WDPCP: variants seen among roughly 807,000 people sequenced by gnomAD.
WDPCP encodes the protein WD repeat containing planar cell polarity effector, also known as WD repeat-containing and planar cell polarity effector protein fritz homolog.
In WDPCP, 71 loss-of-function variants were observed where a neutral mutation model predicts 93.1. The observed-to-expected ratio is 0.76, with a 90% confidence interval of 0.63 to 0.93. The LOEUF (loss-of-function observed/expected upper bound fraction) is 0.93. WDPCP is among the 40% of genes least tolerant of loss of function. The probability of loss-of-function intolerance (pLI) is 0.00; values close to 1 mark genes in which losing one functional copy is unlikely to be tolerated. For missense variants in WDPCP, 844 were observed against 887.4 expected (o/e 0.95, Z 0.62); for synonymous variants, 315 against 315.0 (o/e 1.00, Z 0.00).
At chr2:63,684,118 T>C (rs759426736) in intron 2 of WDPCP, among the ~76,000 whole-genome samples, 9 of 152,122 alleles carry the variant, frequency 5.9e-5, no homozygotes, top group Non-Finnish European at 1.2e-4. Flanking sequence ...ATAGACCAAA[T>C]AAACCTAGTA....
At chr2:63,715,208 T>C (rs968339685) in intron 2 of WDPCP, among the ~76,000 whole-genome samples, 1 of 152,220 alleles carries the variant, frequency 6.6e-6, no homozygotes, top group African/African-American at 2.4e-5. Context: ...TTGATATAGA[T>C]GGTAGTTGCA....
intron 2 of WDPCP, chr2:63,684,281 G>A (rs1575746939): frequency 1.8e-6 from 1 of 560,426 alleles, no homozygotes; most frequent in South Asian, 1.7e-5. Context: ...CCTTTTTGCT[G>A]TAGGCCCAAG....
chr2:63,259,010 C>T (rs1433936728), intron 14 of WDPCP, among the ~76,000 whole-genome samples: 2 of 152,088 alleles, frequency 1.3e-5, no homozygotes, highest in African/African-American at 4.8e-5. Context: ...ATTTTAGTAA[C>T]AGCACTATGA....
chr2:63,377,990 TTTCTACAGTAA>T (rs1691995856), intron 12 of WDPCP: 1 of 179,260 alleles, frequency 5.6e-6, no homozygotes, highest in African/African-American at 2.4e-5. Flanking sequence ...TGGACAAGTT[TTTCTACAGTAA>T]TTCTTAAAGA....
At chr2:63,535,458 C>T (rs916077601) in intron 1 of WDPCP, among the ~76,000 whole-genome samples, 1 of 152,200 alleles carries the variant, frequency 6.6e-6, no homozygotes, top group Non-Finnish European at 1.5e-5. Flanking sequence ...TGACTTCAAA[C>T]TATACTACAA....
At chr2:63,574,370 C>A (rs1575678696) in intron 1 of WDPCP, among the ~76,000 whole-genome samples, 1 of 152,114 alleles carries the variant, frequency 6.6e-6, no homozygotes, top group African/African-American at 2.4e-5. Context: ...CGTGAAATAT[C>A]GGGGGTGAAT....
intron 2 of WDPCP, chr2:63,711,666 G>A (rs1218554733): frequency 6.6e-6 from 1 of 152,286 alleles, no homozygotes; most frequent in Non-Finnish European, 1.5e-5. Context: ...GAGGCTAAAG[G>A]GGGAAGATCC....
intron 13 of WDPCP, among the ~76,000 whole-genome samples, chr2:63,289,375 A>G (rs894494422): frequency 2.6e-5 from 4 of 152,042 alleles, no homozygotes; most frequent in African/African-American, 7.2e-5. Flanking sequence ...ACATTTTGAT[A>G]TATTATGTTC....
At chr2:63,367,597 G>T (rs928485314) in intron 12 of WDPCP, among the ~76,000 whole-genome samples, 6 of 152,014 alleles carry the variant, frequency 3.9e-5, no homozygotes, top group African/African-American at 1.5e-4. Flanking sequence ...AATAAATTAT[G>T]GTAGTCTATC....
At chr2:63,830,344 CTCT>C (rs1385987756), upstream of WDPCP, among the ~76,000 whole-genome samples, 1 of 152,034 alleles carries the variant, frequency 6.6e-6, no homozygotes, top group African/African-American at 2.4e-5. Flanking sequence ...CTCTTCAGTT[CTCT>C]TCTTATTTTG....
chr2:63,143,511 C>T (rs1223643942), intron 17 of WDPCP, among the ~76,000 whole-genome samples: 1 of 152,004 alleles, frequency 6.6e-6, no homozygotes, highest in South Asian at 2.1e-4. Context: ...TGCTTTTTAA[C>T]ATGTATTTTT....
At chr2:63,805,462 A>G (rs1195620109) in intron 2 of WDPCP, among the ~76,000 whole-genome samples, 1 of 152,210 alleles carries the variant, frequency 6.6e-6, no homozygotes. Context: ...ACCCCAGAAC[A>G]GAAATTGAAA....
chr2:63,733,902 C>T (rs1423788644), intron 2 of WDPCP, among the ~76,000 whole-genome samples: 3 of 152,052 alleles, frequency 2.0e-5, no homozygotes, highest in Non-Finnish European at 2.9e-5. Context: ...CCATAAGTAG[C>T]CCCTCATTTC....
At chr2:63,503,612 CAAT>C (rs1328888355) in intron 1 of WDPCP, among the ~76,000 whole-genome samples, 2 of 151,790 alleles carry the variant, frequency 1.3e-5, no homozygotes, top group Non-Finnish European at 2.9e-5. Flanking sequence ...TCAACCACAA[CAAT>C]AAAAGGACAA....
At chr2:63,588,959 C>A, upstream of WDPCP, 1 of 1,601,324 alleles carries the variant, frequency 6.2e-7, no homozygotes, top group Non-Finnish European at 8.6e-7. Context: ...CGCTCGCCCT[C>A]TCCGAGTCAG....
At chr2:63,243,807 A>T (rs1680054750) in intron 14 of WDPCP, among the ~76,000 whole-genome samples, 1 of 152,158 alleles carries the variant, frequency 6.6e-6, no homozygotes, top group Non-Finnish European at 1.5e-5. Context: ...TAGACAGGTC[A>T]TCAAGGCAGA....
chr2:63,693,439 TTAGATAGATAGATAGA>T (rs55755279), intron 2 of WDPCP, among the ~76,000 whole-genome samples: 2,328 of 145,526 alleles, frequency 0.016, 62 homozygotes, highest in African/African-American at 0.054. Flanking sequence ...GATATAGATA[TTAGATAGATAGATAGA>T]TAGATAGATA....
chr2:63,620,492 G>A (rs1709723288), intron 3 of WDPCP, among the ~76,000 whole-genome samples: 1 of 152,142 alleles, frequency 6.6e-6, no homozygotes, highest in Non-Finnish European at 1.5e-5. Flanking sequence ...CTCTGGGCAG[G>A]ACATCCCTGA....
intron 3 of WDPCP, among the ~76,000 whole-genome samples, chr2:63,610,000 A>C (rs1334759608): frequency 6.6e-6 from 1 of 152,230 alleles, no homozygotes; most frequent in African/African-American, 2.4e-5. Flanking sequence ...TTTCGGTTTG[A>C]ATATTCACAC....
Sources: gnomAD v4.1 joint callset for allele counts (sites outside exome capture counted in the v4.1 genomes callset) on GRCh38, gnomAD v4.1.1 for gene constraint, MANE v1.5 for transcripts, NCBI Gene and HGNC (gene_info 2026-07-23, HGNC 2026-07-21) for gene names.